PITPNM2: variants seen among roughly 807,000 people sequenced by gnomAD.
The protein encoded by PITPNM2 is phosphatidylinositol transfer protein membrane associated 2.
A neutral mutation model predicts 132.2 loss-of-function variants in PITPNM2; 35 were observed. The observed-to-expected ratio is 0.26, with a 90% CI of 0.20 to 0.35. The LOEUF is 0.35. Ranked by LOEUF, PITPNM2 falls within the 10% of genes least tolerant of loss-of-function variation. The pLI, the probability that PITPNM2 is intolerant of heterozygous loss-of-function variation, is 1.00. For synonymous variants in PITPNM2, 738 were observed against 799.2 expected (o/e 0.92, Z 1.29); for missense variants, 1,332 against 1,912.0 (o/e 0.70, Z 5.66).
At chr12:123,091,962 C>G (rs1010380771) in intron 2 of PITPNM2, 1 of 152,278 alleles carries the variant, frequency 6.6e-6, no homozygotes, top group African/African-American at 2.4e-5. Flanking sequence ...CACAGAGGCC[C>G]CAGCACAGCA....
chr12:123,096,100 C>T (rs1027391847), intron 2 of PITPNM2, among the ~76,000 whole-genome samples: 5 of 152,226 alleles, frequency 3.3e-5, no homozygotes, highest in African/African-American at 7.2e-5. Flanking sequence ...AAAGTGGCCC[C>T]GTGGCTTGTC....
chr12:123,139,088 C>T (rs1037279768), intron 1 of PITPNM2, among the ~76,000 whole-genome samples: 1 of 151,734 alleles, frequency 6.6e-6, no homozygotes, highest in South Asian at 2.1e-4. Flanking sequence ...CAGTGAGCTA[C>T]GATTGTGCTA....
At position 123,150,417 on chromosome 12, in the gene PITPNM2, C is replaced by T. The variant is rs1370676284; in HGVS notation, c.-200+336G>A. Among the ~76,000 whole-genome samples, 1 of 152,036 alleles carries T rather than the reference C, an allele frequency of 6.6e-6. No homozygotes were observed. The highest frequency in any genetic ancestry group is 1.9e-4 in the East Asian group (1 of 5,156). On this transcript the variant is annotated intron_variant, in intron 1 of 25. Transcript: ENST00000320201. The surrounding 1 kb of genome is among the most constrained non-coding windows in gnomAD (Gnocchi z 6.0). ...TGGCACCGGCACTGCCCACGCCTGC[C>T]CCCCGACCGCTATGACACTTGTCCC...
intron 1 of PITPNM2, among the ~76,000 whole-genome samples, chr12:123,141,143 CCT>C (rs2137658925): frequency 6.6e-6 from 1 of 152,232 alleles, no homozygotes; most frequent in East Asian, 1.9e-4. Flanking sequence ...CAGTTAACTC[CCT>C]GTGTGGTGAG....
intron 1 of PITPNM2, among the ~76,000 whole-genome samples, chr12:123,125,024 C>A (rs1343546767): frequency 1.3e-5 from 2 of 152,180 alleles, no homozygotes; most frequent in East Asian, 3.8e-4. Context: ...GCGGTGACAT[C>A]ACAGCTCACT....
chr12:123,047,600 A>T (rs542561780), intron 2 of PITPNM2, among the ~76,000 whole-genome samples: 2 of 152,202 alleles, frequency 1.3e-5, no homozygotes, highest in South Asian at 4.1e-4. Flanking sequence ...AATTCTAGTC[A>T]CTCTGAACTC....
chr12:123,073,743 C>T (rs1566279150), intron 2 of PITPNM2, among the ~76,000 whole-genome samples: 1 of 152,224 alleles, frequency 6.6e-6, no homozygotes, highest in Non-Finnish European at 1.5e-5. Flanking sequence ...CCCGGATTTT[C>T]CACAGTGTAG....
intron 3 of PITPNM2, among the ~76,000 whole-genome samples, chr12:123,033,036 G>T (rs1038627677): frequency 1.3e-5 from 2 of 152,264 alleles, no homozygotes; most frequent in African/African-American, 4.8e-5. Flanking sequence ...TGACCTGGGT[G>T]GAAGGTGGGA....
At chr12:123,012,346 G>A (rs1294125432) in intron 5 of PITPNM2, among the ~76,000 whole-genome samples, 6 of 152,340 alleles carry the variant, frequency 3.9e-5, no homozygotes, top group Admixed American at 3.9e-4. Context: ...GTACTTCTGG[G>A]GAGTAGGGAT....
In PITPNM2 at chr12:122,995,559, G is replaced by GCCA; in HGVS notation, c.1881_1883dup (p.Gly628dup). 2 of 1,609,054 alleles carry GCCA rather than the reference G, an allele frequency of 1.2e-6. No individual in the cohort carries two copies. The highest frequency in any genetic ancestry group is 2.2e-5 in the East Asian group (1 of 44,874). On this transcript the variant is annotated inframe_insertion, in exon 14 of 26. Transcript: ENST00000320201. Reference sequence around the variant, plus strand: ...TCTCCAGGCTGGAGCCACCACTACTGCCACCACCACCACTGCTGCCACCAC... The same window carrying GCCA: ...TCTCCAGGCTGGAGCCACCACTACTGCCACCACCACCACCACTGCTGCCACCAC...
At chr12:123,146,022 G>A (rs2043608285) in intron 1 of PITPNM2, among the ~76,000 whole-genome samples, 1 of 152,114 alleles carries the variant, frequency 6.6e-6, no homozygotes, top group South Asian at 2.1e-4. Flanking sequence ...GGATGAAACT[G>A]GAGGCCATTA....
At chr12:123,066,705 G>A (rs1287647259) in intron 2 of PITPNM2, among the ~76,000 whole-genome samples, 1 of 152,180 alleles carries the variant, frequency 6.6e-6, no homozygotes, top group African/African-American at 2.4e-5. Context: ...GGTCTTGATT[G>A]ACTTTTTGGA....
intron 2 of PITPNM2, among the ~76,000 whole-genome samples, chr12:123,066,865 G>A (rs1177906786): frequency 6.6e-6 from 1 of 152,076 alleles, no homozygotes. Context: ...CTGATGACAG[G>A]GCCTGAGGCT....
Position 122,986,326 on chromosome 12 carries a change from G to T in PITPNM2, c.3751C>A (p.His1251Asn). ...CQFITDGYAA[H>N]LAQLKYSHRA... ...TGGCTGTACTTCAGCTGCGCCAGGT[G>T]GGCCGCGTAGCCATCCGTGATGAAC... The change falls in exon 26 of 26, where the codon CAC becomes AAC. Residue 1251 changes from histidine (H) to asparagine (N), a missense_variant. By Grantham distance (68) the His-to-Asn change is moderately conservative. This residue lies in a region of PITPNM2 where 163 missense variants were observed against 177.2 expected (regional missense o/e 0.92). Coordinates refer to ENST00000320201, the MANE Select transcript of PITPNM2 (RefSeq NM_020845.3). The T allele has an allele frequency of 6.3e-7, 1 of 1,579,958 alleles. No homozygotes were observed. The highest frequency in any genetic ancestry group is 8.6e-7 in the Non-Finnish European group (1 of 1,164,898).
At chr12:123,109,387 T>G (rs2042787650) in intron 2 of PITPNM2, among the ~76,000 whole-genome samples, 1 of 152,218 alleles carries the variant, frequency 6.6e-6, no homozygotes. Context: ...CAGGGGCTCC[T>G]GCTGCCAGCT....
Position 123,150,773 on chromosome 12 carries a change from G to A in PITPNM2, c.-220C>T, listed in dbSNP as rs1275439973. Among the ~76,000 whole-genome samples, 2 of 149,322 alleles carry A rather than the reference G, an allele frequency of 1.3e-5. No homozygotes were observed. Among genetic ancestry groups the A allele is most frequent in the East Asian group, 2.0e-4 (1 of 5,104 alleles). The stretch of plus-strand genomic sequence containing the variant: ...CTCACCCCGCTCGGCGCGGCCGCGG[G>A]CTCTGTCCTCTTCGGGGCCCCGGCT... On this transcript the variant is annotated 5_prime_UTR_variant, in exon 1 of 26. Coordinates refer to ENST00000320201, the MANE Select transcript of PITPNM2 (RefSeq NM_020845.3). The surrounding 1 kb of genome is among the most constrained non-coding windows in gnomAD (Gnocchi z 6.0).
Position 123,006,321 on chromosome 12 carries a change from A to G in PITPNM2, c.644-773T>C, listed in dbSNP as rs958404281. ...AAAAAAGCTTTTAGTAGAATATATT[A>G]TGCACGTGAGATATATAAGAATATA... On this transcript the variant is annotated intron_variant, in intron 6 of 25. Transcript: ENST00000320201. Among the ~76,000 whole-genome samples the G allele has an allele frequency of 5.3e-5, 8 of 152,190 alleles. No homozygotes were observed. In the East Asian group the frequency reaches 5.8e-4, roughly 11 times the overall value.
intron 1 of PITPNM2, among the ~76,000 whole-genome samples, chr12:123,134,443 C>T (rs897898334): frequency 1.3e-5 from 2 of 152,062 alleles, no homozygotes; most frequent in Admixed American, 6.6e-5. Flanking sequence ...CAAGAGTCTG[C>T]GGCGGTGTCA....
intron 2 of PITPNM2, among the ~76,000 whole-genome samples, chr12:123,068,328 G>A (rs1412271416): frequency 6.6e-6 from 1 of 152,070 alleles, no homozygotes; most frequent in African/African-American, 2.4e-5. Flanking sequence ...TTAGCCGGGT[G>A]AGGTGGCTAC....
Sources: gnomAD v4.1 joint callset for allele counts (sites outside exome capture counted in the v4.1 genomes callset) on GRCh38, gnomAD v4.1.1 for gene constraint, gnomAD v4.1.1 regional missense constraint, Gnocchi (gnomAD v3.1) non-coding constraint, MANE v1.5 for transcripts, NCBI Gene and HGNC (gene_info 2026-07-23, HGNC 2026-07-21) for gene names.